The following RGS17 variants were observed in gnomAD, a reference collection of about 807,000 sequenced individuals.
The protein encoded by RGS17 is regulator of G-protein signaling 17.
In RGS17, 12 loss-of-function variants were observed where a neutral mutation model predicts 25.5. The ratio of observed to expected loss-of-function variants is 0.47; its 90% CI spans 0.30 to 0.76. RGS17 has a LOEUF of 0.76. Ranked by LOEUF, RGS17 falls within the 30% of genes least tolerant of loss-of-function variation. The pLI, the probability that RGS17 is intolerant of heterozygous loss-of-function variation, is 0.07. For synonymous variants in RGS17, 71 were observed against 76.9 expected (o/e 0.92, Z 0.40); for missense variants, 196 against 242.2 (o/e 0.81, Z 1.27).
intron 1 of RGS17, among the ~76,000 whole-genome samples, chr6:153,079,473 T>A (rs961948508): frequency 1.4e-4 from 21 of 152,250 alleles, no homozygotes; most frequent in African/African-American, 5.1e-4. Context: ...GCTAACAGAT[T>A]GTGGGAATTC....
Position 153,011,560 on chromosome 6 carries a change from T to C in RGS17, c.*14A>G. On this transcript the variant is annotated 3_prime_UTR_variant, in exon 5 of 5. Coordinates refer to ENST00000206262, the MANE Select transcript of RGS17 (RefSeq NM_012419.5). ...CCATCTCAGCCCTCCAAAATGATTG[T>C]TTTTAAATGAACATTAAGATTCAGA... The C allele has an allele frequency of 1.3e-6, 2 of 1,565,068 alleles. No individual in the cohort carries two copies. The highest frequency in any genetic ancestry group is 1.7e-6 in the Non-Finnish European group (2 of 1,144,076).
At chr6:153,088,921 T>C (rs1170829276) in intron 1 of RGS17, among the ~76,000 whole-genome samples, 6 of 111,284 alleles carry the variant, frequency 5.4e-5, no homozygotes, top group Non-Finnish European at 1.0e-4. Context: ...CCGCAGATTA[T>C]TGTAAGGGAA....
intron 4 of RGS17, among the ~76,000 whole-genome samples, chr6:153,018,809 TTTGAATGATAA>T (rs1398382634): frequency 6.6e-6 from 1 of 152,228 alleles, no homozygotes; most frequent in Non-Finnish European, 1.5e-5. Flanking sequence ...GTCAATATTT[TTTGAATGATAA>T]TATGCGTGCA....
At chr6:153,075,550 G>T (rs1242516876) in intron 1 of RGS17, among the ~76,000 whole-genome samples, 3 of 152,114 alleles carry the variant, frequency 2.0e-5, no homozygotes, top group African/African-American at 7.2e-5. Flanking sequence ...CTGCTGCATG[G>T]AACAATAGAG....
intron 2 of RGS17, among the ~76,000 whole-genome samples, chr6:153,040,385 G>A (rs954914533): frequency 6.6e-6 from 1 of 152,084 alleles, no homozygotes; most frequent in South Asian, 2.1e-4. Flanking sequence ...GAGAAGAGCT[G>A]ACAATGAAAT....
chr6:153,035,827 G>C (rs1776232705), intron 2 of RGS17, among the ~76,000 whole-genome samples: 1 of 152,146 alleles, frequency 6.6e-6, no homozygotes, highest in Non-Finnish European at 1.5e-5. Flanking sequence ...TCTTCAAAGA[G>C]GGGCTCACTC....
chr6:153,042,272 G>T (rs1776331748), intron 2 of RGS17, among the ~76,000 whole-genome samples: 2 of 152,122 alleles, frequency 1.3e-5, no homozygotes, highest in South Asian at 2.1e-4. Context: ...ATATGATATG[G>T]TTTGGCCGTG....
At chr6:153,070,209 T>C (rs1776767813) in intron 1 of RGS17, among the ~76,000 whole-genome samples, 1 of 151,964 alleles carries the variant, frequency 6.6e-6, no homozygotes, top group Admixed American at 6.6e-5. Flanking sequence ...ATAAGTAAAA[T>C]GACAAGTTGT....
rs147968727 is a variant in RGS17 at position 153,083,748 on chromosome 6, A to G, written c.-25-39705T>C. 1.1e-3 allele frequency among the ~76,000 whole-genome samples: 162 copies of G among 152,326 alleles called. 1 individual carries two copies. Among genetic ancestry groups the G allele is most frequent in the African/African-American group, 3.5e-3 (147 of 41,584 alleles). On this transcript the variant is annotated intron_variant, in intron 1 of 4. Transcript: ENST00000206262. ...ACAGAGGAGCCTTATTTTAACAAAG[A>G]AAAATCTGAAATGGCAAACTGAACT...
chr6:153,090,661 A>G (rs1481889057), intron 1 of RGS17, among the ~76,000 whole-genome samples: 1 of 152,030 alleles, frequency 6.6e-6, no homozygotes, highest in African/African-American at 2.4e-5. Flanking sequence ...GAAATAAACA[A>G]TGCATAAGAT....
At chr6:153,027,869 A>G (rs1215018059) in intron 2 of RGS17, among the ~76,000 whole-genome samples, 2 of 152,224 alleles carry the variant, frequency 1.3e-5, no homozygotes, top group Non-Finnish European at 2.9e-5. Context: ...TGGTATGGAA[A>G]GAAAGTGTTT....
Position 153,004,497 on chromosome 6 carries a change from G to A in RGS17, c.*7077C>T, listed in dbSNP as rs1779051881. 1.3e-5 allele frequency: 2 copies of A among 152,096 alleles called. No homozygotes were observed. The highest frequency in any genetic ancestry group is 2.9e-5 in the Non-Finnish European group (2 of 67,982). The allele number at this position is 152,096 out of a possible 1,614,324, so 9.4% of individuals were successfully genotyped here. A position where few individuals can be genotyped will look rare whatever the true frequency, so the allele number is the denominator to read the frequency against. On this transcript the variant is annotated 3_prime_UTR_variant, in exon 5 of 5. Coordinates refer to ENST00000206262, the MANE Select transcript of RGS17 (RefSeq NM_012419.5). Reference sequence around the variant, plus strand: ...TCTTTATTAATTCAAAACATTTTAAGAAAGTCAGTGTAATGCATATGCATT... The same window carrying A: ...TCTTTATTAATTCAAAACATTTTAAAAAAGTCAGTGTAATGCATATGCATT...
In RGS17 at chr6:153,006,470, C is replaced by T. The variant is rs1779077406; in HGVS notation, c.*5104G>A. ...TATCTATCTATGTCATTGAAAGAAA[C>T]ATTTCTATAGATTTGAGGTGATGGT... On this transcript the variant is annotated 3_prime_UTR_variant, in exon 5 of 5. Transcript: ENST00000206262. 1 of 152,448 alleles carries T rather than the reference C, an allele frequency of 6.6e-6. No individual in the cohort carries two copies. Among genetic ancestry groups the T allele is most frequent in the Non-Finnish European group, 1.5e-5 (1 of 67,994 alleles). The allele number at this position is 152,448 out of a possible 1,614,324, so 9.4% of individuals were successfully genotyped here.
intron 4 of RGS17, among the ~76,000 whole-genome samples, chr6:153,012,684 T>C (rs1352828199): frequency 6.6e-6 from 1 of 152,214 alleles, no homozygotes; most frequent in Non-Finnish European, 1.5e-5. Context: ...AAAGTCCAGA[T>C]TGTTTTCCTC....
At position 153,004,744 on chromosome 6, in the gene RGS17, A is replaced by C. The variant is rs1055574907; in HGVS notation, c.*6830T>G. 2.6e-5 allele frequency: 4 copies of C among 152,240 alleles called. No homozygotes were observed. The highest frequency in any genetic ancestry group is 1.9e-4 in the East Asian group (1 of 5,180). The allele number at this position is 152,240 out of a possible 1,614,324, so 9.4% of individuals were successfully genotyped here. A position where few individuals can be genotyped will look rare whatever the true frequency, so the allele number is the denominator to read the frequency against. ...TGATTCTAGGAAGGGGGAAAAAAAAACCCAGAAAAACTTAAATTGGAGGAA... is the reference window on the plus strand; with the variant it reads ...TGATTCTAGGAAGGGGGAAAAAAAACCCCAGAAAAACTTAAATTGGAGGAA... On this transcript the variant is annotated 3_prime_UTR_variant, in exon 5 of 5. Transcript: ENST00000206262.
intron 4 of RGS17, among the ~76,000 whole-genome samples, chr6:153,012,748 C>T (rs506219): frequency 0.7 from 105,980 of 152,122 alleles, 37,037 homozygotes; most frequent in Admixed American, 0.73. Context: ...TATTTCATGA[C>T]ATATTCACAT....
intron 4 of RGS17, among the ~76,000 whole-genome samples, chr6:153,021,804 T>C (rs1475639371): frequency 6.6e-6 from 1 of 152,182 alleles, no homozygotes; most frequent in Non-Finnish European, 1.5e-5. Flanking sequence ...AGAGTAAATA[T>C]GGTTACGACA....
chr6:153,110,832 C>G (rs535941476), intron 1 of RGS17, among the ~76,000 whole-genome samples: 5 of 152,146 alleles, frequency 3.3e-5, no homozygotes, highest in African/African-American at 1.2e-4. Flanking sequence ...GAAGCGCAAG[C>G]GGTTGGGGAA....
At chr6:153,119,566 A>C (rs1777593738) in intron 1 of RGS17, among the ~76,000 whole-genome samples, 1 of 152,068 alleles carries the variant, frequency 6.6e-6, no homozygotes, top group African/African-American at 2.4e-5. Flanking sequence ...GGTGGTGGGC[A>C]CCTGTAATCA....
Sources: allele counts gnomAD v4.1 joint callset (sites outside exome capture counted in the v4.1 genomes callset), GRCh38; gene constraint gnomAD v4.1.1; transcripts MANE v1.5; gene names NCBI Gene and HGNC (gene_info 2026-07-23, HGNC 2026-07-21).